OCA2: variants seen among roughly 807,000 people sequenced by gnomAD.
OCA2 encodes the protein P protein.
A neutral mutation model predicts 100.2 loss-of-function variants in OCA2; 77 were observed. The ratio of observed to expected loss-of-function variants is 0.77; its 90% CI spans 0.64 to 0.93. The LOEUF is 0.93. OCA2 is among the 40% of genes least tolerant of loss of function. The pLI, the probability that OCA2 is intolerant of heterozygous loss-of-function variation, is 0.00. For synonymous variants in OCA2, 432 were observed against 439.2 expected (o/e 0.98, Z 0.21); for missense variants, 1,062 against 1,089.1 (o/e 0.98, Z 0.35).
chr15:27,896,252 C>G (rs2037683342), intron 19 of OCA2: 2 of 1,117,346 alleles, frequency 1.8e-6, no homozygotes, highest in Non-Finnish European at 2.7e-6. Flanking sequence ...GTTCTGAAAG[C>G]AAGGAATTTA....
intron 23 of OCA2, among the ~76,000 whole-genome samples, chr15:27,784,455 A>C (rs2032704487): frequency 6.6e-6 from 1 of 152,186 alleles, no homozygotes; most frequent in African/African-American, 2.4e-5. Flanking sequence ...TTGGATCAAA[A>C]ATTTTGTGAC....
chr15:27,720,455 T>TTA, the OCA2 span, among the ~76,000 whole-genome samples: 6 of 150,150 alleles, frequency 4.0e-5, no homozygotes, highest in East Asian at 1.9e-4. Context: ...ATTCATCTGT[T>TTA]TATATATATA....
the OCA2 span, among the ~76,000 whole-genome samples, chr15:27,749,871 G>C: frequency 6.6e-6 from 1 of 152,114 alleles, no homozygotes; most frequent in African/African-American, 2.4e-5. Context: ...CATGTCCAAG[G>C]GATGGAAAGT....
intron 19 of OCA2, 58 bp from the exon 20 acceptor site, chr15:27,871,980 T>TAAA: frequency 7.8e-7 from 1 of 1,280,746 alleles, no homozygotes; most frequent in East Asian, 2.3e-5. Context: ...ATGCAAGATT[T>TAAA]AAAAAAAAAG....
At chr15:28,041,343 C>A (rs1055263585) in intron 2 of OCA2, among the ~76,000 whole-genome samples, 25 of 151,748 alleles carry the variant, frequency 1.6e-4, no homozygotes, top group African/African-American at 5.1e-4. Flanking sequence ...AAATGCACAC[C>A]CTCAGCAAAC....
intron 19 of OCA2, chr15:27,896,155 G>A: frequency 1.0e-6 from 1 of 972,210 alleles, no homozygotes; most frequent in Non-Finnish European, 1.6e-6. Context: ...AGAACTACCA[G>A]TGGCAATGAA....
intron 11 of OCA2, among the ~76,000 whole-genome samples, chr15:27,987,705 G>A (rs2041408696): frequency 6.6e-6 from 1 of 151,940 alleles, no homozygotes; most frequent in Non-Finnish European, 1.5e-5. Flanking sequence ...CTCCAGCCTG[G>A]AGACAGAGCG....
At chr15:27,831,372 A>G (rs2034950463) in intron 23 of OCA2, among the ~76,000 whole-genome samples, 1 of 151,890 alleles carries the variant, frequency 6.6e-6, no homozygotes, top group African/African-American at 2.4e-5. Context: ...GCTCCAGCAA[A>G]GTAGCTGCAT....
At chr15:27,979,702 C>CA (rs1555447768) in intron 14 of OCA2, among the ~76,000 whole-genome samples, 1 of 141,500 alleles carries the variant, frequency 7.1e-6, no homozygotes, top group African/African-American at 2.6e-5. Context: ...CATTAATATA[C>CA]TTTTTTTTTT....
the OCA2 span, among the ~76,000 whole-genome samples, chr15:27,735,991 C>T: frequency 2.0e-5 from 3 of 152,090 alleles, no homozygotes; most frequent in African/African-American, 4.8e-5. Flanking sequence ...GGTGTTCTCA[C>T]CACATAAATG....
intron 6 of OCA2, among the ~76,000 whole-genome samples, chr15:28,022,192 C>T (rs2305252): frequency 0.2 from 30,798 of 152,142 alleles, 3,716 homozygotes; most frequent in Middle Eastern, 0.4. Flanking sequence ...TCACGCTGAA[C>T]GCAAAAGAGA....
At chr15:27,871,485 T>A (rs1308403534) in intron 20 of OCA2, among the ~76,000 whole-genome samples, 1 of 152,194 alleles carries the variant, frequency 6.6e-6, no homozygotes, top group African/African-American at 2.4e-5. Context: ...GCCCCCTGGA[T>A]GGGGAGGCAG....
At chr15:27,903,419 T>C (rs1401579161) in intron 19 of OCA2, among the ~76,000 whole-genome samples, 2 of 152,166 alleles carry the variant, frequency 1.3e-5, no homozygotes, top group Non-Finnish European at 2.9e-5. Flanking sequence ...GCTTGGGAGA[T>C]GGAAATGAAG....
At chr15:27,987,794 TA>T (rs1364175355) in intron 11 of OCA2, among the ~76,000 whole-genome samples, 2 of 152,146 alleles carry the variant, frequency 1.3e-5, no homozygotes, top group African/African-American at 2.4e-5. Flanking sequence ...TTTCTCACCT[TA>T]CCTGTGAATG....
At chr15:27,784,900 AG>A (rs1194527230) in intron 23 of OCA2, among the ~76,000 whole-genome samples, 9 of 150,776 alleles carry the variant, frequency 6.0e-5, no homozygotes, top group African/African-American at 1.7e-4. Flanking sequence ...AGACAGAGAG[AG>A]AGAGAGAGAG....
In OCA2 at chr15:27,833,253, G is replaced by A. The variant is rs971749873; in HGVS notation, c.2432+11706C>T. Among the ~76,000 whole-genome samples, 5 of 152,198 alleles carry A rather than the reference G, an allele frequency of 3.3e-5. No individual in the cohort carries two copies. In the South Asian group the frequency reaches 6.2e-4, roughly 19 times the overall value. On this transcript the variant is annotated intron_variant, in intron 23 of 23. Transcript: ENST00000354638. ...AGCATATCCTATAGAGGAAAGTTTA[G>A]GCCAAGCTTCCTTTACTTCAAAAAT...
At chr15:27,794,125 T>C (rs2033216923) in intron 23 of OCA2, among the ~76,000 whole-genome samples, 1 of 152,196 alleles carries the variant, frequency 6.6e-6, no homozygotes, top group Non-Finnish European at 1.5e-5. Context: ...GCTCCAAGAA[T>C]GTGTGTGTTC....
chr15:28,037,700 C>A (rs1449688348), intron 2 of OCA2, among the ~76,000 whole-genome samples: 1 of 152,198 alleles, frequency 6.6e-6, no homozygotes, highest in Non-Finnish European at 1.5e-5. Context: ...TTCATGATAA[C>A]CCTGAAGGTA....
chr15:27,978,283 G>A lies in OCA2; in HGVS notation c.1503+5062C>T, dbSNP rs529910752. On this transcript the variant is annotated intron_variant, in intron 14 of 23. Coordinates refer to ENST00000354638, the MANE Select transcript of OCA2 (RefSeq NM_000275.3). ...ATACATTCTTCTGATATTGAGTGGC[G>A]TTTTCTATAAATATCAACTAGGTCA... Among the ~76,000 whole-genome samples the A allele has an allele frequency of 7.2e-5, 11 of 152,194 alleles. No homozygotes were observed. The South Asian group carries it at 1.7e-3, about 23-fold the overall frequency.
Sources: allele counts gnomAD v4.1 joint callset (sites outside exome capture counted in the v4.1 genomes callset), GRCh38; gene constraint gnomAD v4.1.1; transcripts MANE v1.5; gene names NCBI Gene and HGNC (gene_info 2026-07-23, HGNC 2026-07-21).